Variants in EPHA6 observed in about 807,000 individuals in gnomAD.
EPHA6 encodes ephrin type-A receptor 6.
EPHA6 carries 50 observed loss-of-function variants against 112.0 expected under a neutral mutation model. The ratio of observed to expected loss-of-function variants is 0.45; its 90% CI spans 0.36 to 0.56. The LOEUF (loss-of-function observed/expected upper bound fraction) is 0.56. Among genes scored for constraint, EPHA6 ranks in the 20% least tolerant of loss-of-function variants. The pLI, the probability that EPHA6 is intolerant of heterozygous loss-of-function variation, is 0.00. For synonymous variants in EPHA6, 529 were observed against 490.7 expected, an observed-to-expected ratio of 1.08 and a Z score of -1.03; for missense variants, 1,280 against 1,417.4, an observed-to-expected ratio of 0.90 and a Z score of 1.56.
chr3:97,604,013 G>C (rs1255608873), intron 12 of EPHA6, among the ~76,000 whole-genome samples: 1 of 151,700 alleles, frequency 6.6e-6, no homozygotes, highest in Non-Finnish European at 1.5e-5. Flanking sequence ...TTAATTAGCT[G>C]TTATTGGGTG....
At chr3:97,180,887 G>A (rs7651502) in intron 3 of EPHA6, among the ~76,000 whole-genome samples, 39 of 149,342 alleles carry the variant, frequency 2.6e-4, no homozygotes, top group South Asian at 4.3e-4. Flanking sequence ...TAGGAGCCCC[G>A]CCCCCCAACC....
At chr3:97,362,685 C>CA (rs2084439986) in intron 5 of EPHA6, among the ~76,000 whole-genome samples, 1 of 151,824 alleles carries the variant, frequency 6.6e-6, no homozygotes, top group South Asian at 2.1e-4. Flanking sequence ...AATAAGTACC[C>CA]TGTGGGTTAA....
At chr3:97,064,562 C>T (rs999947345) in intron 3 of EPHA6, among the ~76,000 whole-genome samples, 2 of 152,236 alleles carry the variant, frequency 1.3e-5, no homozygotes, top group East Asian at 1.9e-4. Flanking sequence ...GTGCCTGACA[C>T]ATAGTAGTAT....
chr3:97,500,027 G>C (rs2092077117), intron 10 of EPHA6, among the ~76,000 whole-genome samples: 1 of 152,114 alleles, frequency 6.6e-6, no homozygotes, highest in Non-Finnish European at 1.5e-5. Context: ...TTGTACAGCT[G>C]TATAAAAGAT....
intron 3 of EPHA6, among the ~76,000 whole-genome samples, chr3:97,029,572 A>G (rs2044754015): frequency 6.6e-6 from 1 of 152,114 alleles, no homozygotes; most frequent in South Asian, 2.1e-4. Flanking sequence ...GCAGACCAGT[A>G]GTTAACTGGA....
chr3:97,086,154 G>A (rs1559718786), intron 3 of EPHA6, among the ~76,000 whole-genome samples: 1 of 151,462 alleles, frequency 6.6e-6, no homozygotes, highest in African/African-American at 2.4e-5. Context: ...AGGCTGGTCT[G>A]GAACTCCTGA....
chr3:97,599,842 G>A (rs1172771440), intron 12 of EPHA6, among the ~76,000 whole-genome samples: 8 of 152,020 alleles, frequency 5.3e-5, no homozygotes, highest in African/African-American at 1.4e-4. Flanking sequence ...CATTGAATCT[G>A]TAAATTACCT....
chr3:96,921,190 G>C (rs1286035619), intron 2 of EPHA6, among the ~76,000 whole-genome samples: 4 of 152,018 alleles, frequency 2.6e-5, no homozygotes, highest in African/African-American at 9.7e-5. Context: ...TTTCCTTCAT[G>C]ATAGGCAGTA....
intron 5 of EPHA6, among the ~76,000 whole-genome samples, chr3:97,387,207 C>T (rs939362171): frequency 1.3e-5 from 2 of 152,196 alleles, no homozygotes; most frequent in South Asian, 2.1e-4. Context: ...CAAATTTCTG[C>T]AGCTAGCTTG....
intron 7 of EPHA6, among the ~76,000 whole-genome samples, chr3:97,463,618 G>T (rs2090961051): frequency 6.6e-6 from 1 of 152,202 alleles, no homozygotes; most frequent in Non-Finnish European, 1.5e-5. Context: ...ATGGCCTCAA[G>T]CAGCTTTTTC....
chr3:97,144,094 C>G (rs958825088), intron 3 of EPHA6, among the ~76,000 whole-genome samples: 2 of 151,642 alleles, frequency 1.3e-5, no homozygotes, highest in Non-Finnish European at 3.0e-5. Context: ...TAACAACCCT[C>G]CCTTAATTTC....
intron 10 of EPHA6, among the ~76,000 whole-genome samples, chr3:97,499,075 CT>C (rs147078320): frequency 0.036 from 5,556 of 152,254 alleles, 149 homozygotes; most frequent in Middle Eastern, 0.13. Context: ...ACACATATAT[CT>C]TTAGAAAAGA....
chr3:97,232,927 T>C (rs1215215541), intron 4 of EPHA6, among the ~76,000 whole-genome samples: 1 of 152,032 alleles, frequency 6.6e-6, no homozygotes, highest in Non-Finnish European at 1.5e-5. Flanking sequence ...TTCACTGGAG[T>C]CATTTTTTCT....
intron 2 of EPHA6, among the ~76,000 whole-genome samples, chr3:96,873,953 T>C (rs965343035): frequency 2.6e-5 from 4 of 152,140 alleles, no homozygotes; most frequent in Non-Finnish European, 5.9e-5. Flanking sequence ...CCACGTTATA[T>C]ATGAAAAAAC....
At chr3:97,585,121 G>A (rs1489283402) in intron 11 of EPHA6, among the ~76,000 whole-genome samples, 2 of 152,084 alleles carry the variant, frequency 1.3e-5, no homozygotes, top group Non-Finnish European at 2.9e-5. Context: ...CCTCCACTTA[G>A]GGAAAATACA....
At chr3:97,519,633 T>C (rs2092504779) in intron 10 of EPHA6, among the ~76,000 whole-genome samples, 1 of 152,226 alleles carries the variant, frequency 6.6e-6, no homozygotes, top group Non-Finnish European at 1.5e-5. Flanking sequence ...TTTCATTTGT[T>C]TTTGTCTTCC....
chr3:97,351,109 C>G (rs1216826043), intron 5 of EPHA6, among the ~76,000 whole-genome samples: 1 of 152,138 alleles, frequency 6.6e-6, no homozygotes, highest in Non-Finnish European at 1.5e-5. Context: ...AGCTATTTTA[C>G]AAGGGACCAA....
chr3:97,476,742 G>A (rs374093369), intron 8 of EPHA6, among the ~76,000 whole-genome samples: 31 of 152,034 alleles, frequency 2.0e-4, no homozygotes, highest in African/African-American at 6.5e-4. Flanking sequence ...AGAATTTACC[G>A]AGGAAAAAAG....
chr3:97,118,963 T>G (rs1396859244), intron 3 of EPHA6, among the ~76,000 whole-genome samples: 1 of 151,982 alleles, frequency 6.6e-6, no homozygotes, highest in Non-Finnish European at 1.5e-5. Flanking sequence ...TTCTGGCAGT[T>G]TTTTGGCCTA....
Sources: gnomAD v4.1 joint callset for allele counts (sites outside exome capture counted in the v4.1 genomes callset) on GRCh38, gnomAD v4.1.1 for gene constraint, MANE v1.5 for transcripts, NCBI Gene and HGNC (gene_info 2026-07-23, HGNC 2026-07-21) for gene names.